PKD2L1: variants seen among roughly 807,000 people sequenced by gnomAD.
PKD2L1 encodes polycystin 2 like 1, transient receptor potential cation channel, also known as polycystin-2-like protein 1.
In PKD2L1, 77 loss-of-function variants were observed where a neutral mutation model predicts 93.0. That is an observed-to-expected ratio of 0.83 (90% CI 0.69 to 1.00). The LOEUF is 1.00. Ranked by LOEUF, PKD2L1 falls within the 50% of genes least tolerant of loss-of-function variation. PKD2L1 has a pLI of 0.00. For synonymous variants in PKD2L1, 390 were observed against 388.0 expected, an observed-to-expected ratio of 1.01 and a Z score of -0.06; for missense variants, 977 against 990.9, an observed-to-expected ratio of 0.99 and a Z score of 0.19.
At chr10:100,310,748 C>T (rs146527727) in intron 2 of PKD2L1, among the ~76,000 whole-genome samples, 2,093 of 152,256 alleles carry the variant, frequency 0.014, 33 homozygotes, top group South Asian at 0.037. Flanking sequence ...CTCACTCTGT[C>T]GCCCAGGCTG....
intron 3 of PKD2L1, 54 bp downstream of exon 3, chr10:100,299,537 G>A: frequency 6.5e-7 from 1 of 1,541,354 alleles, no homozygotes; most frequent in Non-Finnish European, 9.0e-7. Flanking sequence ...TCTGACCTGT[G>A]GCCTCAGGCC....
rs1483212491 is a variant in PKD2L1 at position 100,297,050 on chromosome 10, A to G, written c.1115T>C (p.Leu372Pro). The change falls in exon 6 of 16, where the codon CTG becomes CCG. Residue 372 changes from leucine (L) to proline (P), a missense_variant. By Grantham distance (98) the Leu-to-Pro change is moderately conservative. Coordinates refer to ENST00000318222, the MANE Select transcript of PKD2L1 (RefSeq NM_016112.3). ...GCGAAGCCGGTGAATGTGGAGCTCC[A>G]GGATCTCTTCCACCACATAGTAGAA... is the stretch of plus-strand genomic sequence containing the variant. ...FIFYYVVEEI[L>P]ELHIHRLRYL... 4 of 1,614,068 alleles carry G rather than the reference A, an allele frequency of 2.5e-6. No homozygotes were observed. The highest frequency in any genetic ancestry group is 3.4e-6 in the Non-Finnish European group (4 of 1,180,016).
In PKD2L1 at chr10:100,292,963, G is replaced by A. The variant is rs1311877147; in HGVS notation, c.1865C>T (p.Thr622Ile). The A allele has an allele frequency of 1.2e-6, 2 of 1,613,922 alleles. No homozygotes were observed. The highest frequency in any genetic ancestry group is 3.3e-5 in the Admixed American group (2 of 59,972). The change falls in exon 11 of 16, where the codon ACC (threonine) becomes ATC (isoleucine). Residue 622 changes from threonine to isoleucine, a missense_variant. Transcript: ENST00000318222. ...GGTTGCTCACTCCCTTAAGGTGTTG[G>A]TGAAATCCTCAAACTGGATCTCCTG... The part of the protein sequence containing the change: ...GEQEIQFEDF[T>I]NTLRELGHAE...
At chr10:100,321,409 G>A (rs1849223385) in intron 2 of PKD2L1, among the ~76,000 whole-genome samples, 1 of 151,416 alleles carries the variant, frequency 6.6e-6, no homozygotes, top group Non-Finnish European at 1.5e-5. Flanking sequence ...GTAGTGAGCC[G>A]AGATCGCGCC....
intron 2 of PKD2L1, among the ~76,000 whole-genome samples, chr10:100,327,464 A>G (rs1223024404): frequency 1.3e-5 from 2 of 152,228 alleles, no homozygotes; most frequent in East Asian, 3.8e-4. Context: ...CTGGACTTCC[A>G]GAACCCAAGC....
At chr10:100,298,446 T>TC (rs2134384049) in intron 4 of PKD2L1, 116 bp downstream of exon 4, 1 of 1,025,110 alleles carries the variant, frequency 9.8e-7, no homozygotes, top group East Asian at 2.4e-5. Context: ...CCCCCAGAAG[T>TC]CCCTTAAAGA....
Position 100,298,728 on chromosome 10 carries a change from A to T in PKD2L1, c.565T>A (p.Tyr189Asn), listed in dbSNP as rs1243196597. 6.2e-7 allele frequency: 1 copy of T among 1,614,052 alleles called. No homozygotes were observed. Among genetic ancestry groups the T allele is most frequent in the South Asian group, 1.1e-5 (1 of 91,074 alleles). The change falls in exon 4 of 16, where the codon TAC (tyrosine) becomes AAC (asparagine). Residue 189 changes from tyrosine (Y) to asparagine (N), a missense_variant. Tyr to Asn is a moderately radical substitution (Grantham distance 143). Transcript: ENST00000318222. ...SLGHGSHSFI[Y>N]YENMLLGVPR... is the part of the protein sequence containing the mutation. ...ACCCCCAGCAGCATGTTCTCATAGT[A>T]GATGAAGGAGTGGGAGCCATGGCCC...
chr10:100,290,139 C>A lies in PKD2L1; in HGVS notation c.2127-1G>T. 6.2e-7 allele frequency: 1 copy of A among 1,614,070 alleles called. No individual in the cohort carries two copies. Among genetic ancestry groups the A allele is most frequent in the Non-Finnish European group, 8.5e-7 (1 of 1,180,016 alleles). Reference sequence around the variant, plus strand: ...CAGCTGCAGAACTCTCCTTGTGAGCCTGTGTGGGATTTGAGAGAGACGAAT... The same window carrying A: ...CAGCTGCAGAACTCTCCTTGTGAGCATGTGTGGGATTTGAGAGAGACGAAT... On this transcript the variant is annotated splice_acceptor_variant, in intron 13 of 15. Coordinates refer to ENST00000318222, the MANE Select transcript of PKD2L1 (RefSeq NM_016112.3). LOFTEE classifies it high-confidence loss of function.
At chr10:100,317,542 C>A (rs1026821365) in intron 2 of PKD2L1, among the ~76,000 whole-genome samples, 4 of 152,058 alleles carry the variant, frequency 2.6e-5, no homozygotes, top group African/African-American at 9.7e-5. Flanking sequence ...TATCTCAAAA[C>A]AAACAAACAA....
intron 2 of PKD2L1, among the ~76,000 whole-genome samples, chr10:100,304,459 C>G (rs892341547): frequency 2.6e-5 from 4 of 152,046 alleles, no homozygotes; most frequent in Non-Finnish European, 4.4e-5. Flanking sequence ...GTATAAAATA[C>G]CTTGCTAGGT....
At position 100,289,023 on chromosome 10, in the gene PKD2L1, C is replaced by T; in HGVS notation, c.2284G>A (p.Ala762Thr). 1 of 1,613,198 alleles carries T rather than the reference C, an allele frequency of 6.2e-7. No homozygotes were observed. Among genetic ancestry groups the T allele is most frequent in the Non-Finnish European group, 8.5e-7 (1 of 1,179,384 alleles). The change falls in exon 15 of 16, where the codon GCC becomes ACC. Residue 762 changes from alanine (A) to threonine (T), a missense_variant. Ala to Thr is a moderately conservative substitution (Grantham distance 58, BLOSUM62 0). Coordinates refer to ENST00000318222, the MANE Select transcript of PKD2L1 (RefSeq NM_016112.3). ...EQAIWKHPQP[A>T]PAVTPDPWGV... ...CAGGGGTCTGGGGTCACAGCTGGGG[C>T]TGGCTGCGGGTGCTTCCAAATAGCT... is the stretch of plus-strand genomic sequence containing the variant.
chr10:100,330,076 G>A lies in PKD2L1; in HGVS notation c.28C>T (p.Gln10Ter). 1 of 1,598,830 alleles carries A rather than the reference G, an allele frequency of 6.3e-7. No individual in the cohort carries two copies. The highest frequency in any genetic ancestry group is 1.1e-5 in the South Asian group (1 of 89,070). Residue 10 changes from glutamine to a stop codon, truncating the protein, a stop_gained, in exon 1 of 16, where the codon CAG (glutamine) becomes TAG (stop). Transcript: ENST00000318222. LOFTEE classifies it high-confidence loss of function. MNAVGSPEG[Q>*]ELQKLGSGAW... is the part of the protein sequence containing the mutation. ...CCACTCCCCAGCTTTTGCAGCTCCT[G>A]CCCCTCAGGACTTCCCACAGCATTC...
intron 15 of PKD2L1, among the ~76,000 whole-genome samples, 175 bp downstream of exon 15, chr10:100,288,797 A>G (rs1309932692): frequency 1.3e-5 from 2 of 152,246 alleles, no homozygotes; most frequent in Non-Finnish European, 2.9e-5. Context: ...AAGCCTAAGC[A>G]TGATGCCCAC....
intron 13 of PKD2L1, 72 bp from the exon 14 acceptor site, chr10:100,290,210 G>A: frequency 6.3e-7 from 1 of 1,579,214 alleles, no homozygotes; most frequent in Non-Finnish European, 8.7e-7. Context: ...AAGAGCCAGG[G>A]TTCACAGAAG....
intron 2 of PKD2L1, among the ~76,000 whole-genome samples, chr10:100,315,188 T>C (rs113181828): frequency 0.024 from 3,502 of 143,482 alleles, 311 homozygotes; most frequent in African/African-American, 0.1. Context: ...TTTTATTTTG[T>C]TTTATTTTAT....
Position 100,330,201 on chromosome 10 carries a change from A to G in PKD2L1, c.-98T>C. The stretch of plus-strand genomic sequence containing the variant: ...GCCCAGCCTAGCCAGCAGAGAGCAA[A>G]TGGAAAGGCGTCTGAGAGCAGCTGT... On this transcript the variant is annotated 5_prime_UTR_variant, in exon 1 of 16. Transcript: ENST00000318222. 1.4e-6 allele frequency: 1 copy of G among 709,612 alleles called. No homozygotes were observed. The highest frequency in any genetic ancestry group is 2.3e-6 in the Non-Finnish European group (1 of 430,380). The allele number at this position is 709,612 out of a possible 1,614,324, so 44.0% of individuals were successfully genotyped here.
chr10:100,327,499 A>G (rs979756646), intron 2 of PKD2L1, among the ~76,000 whole-genome samples: 9 of 152,216 alleles, frequency 5.9e-5, no homozygotes, highest in Middle Eastern at 6.8e-3. Flanking sequence ...GCTCCATACA[A>G]TGGAGTTAGA....
At chr10:100,311,656 C>T (rs1006597759) in intron 2 of PKD2L1, among the ~76,000 whole-genome samples, 37 of 152,142 alleles carry the variant, frequency 2.4e-4, no homozygotes, top group Admixed American at 2.4e-3. Flanking sequence ...TCGTATGCTA[C>T]TGAGCTTCTT....
chr10:100,308,745 C>G (rs1208339070), intron 2 of PKD2L1, among the ~76,000 whole-genome samples: 1 of 152,192 alleles, frequency 6.6e-6, no homozygotes, highest in Non-Finnish European at 1.5e-5. Flanking sequence ...AACCACTATT[C>G]TACACTACAC....
Sources: gnomAD v4.1 joint callset for allele counts (sites outside exome capture counted in the v4.1 genomes callset) on GRCh38, gnomAD v4.1.1 for gene constraint, MANE v1.5 for transcripts, NCBI Gene and HGNC (gene_info 2026-07-23, HGNC 2026-07-21) for gene names.